Variants in EPM2A observed in about 807,000 individuals in gnomAD.
The protein encoded by EPM2A is EPM2A glucan phosphatase, laforin.
EPM2A carries 21 observed loss-of-function variants against 26.5 expected under a neutral mutation model. The ratio of observed to expected loss-of-function variants is 0.79; its 90% CI spans 0.56 to 1.14. EPM2A has a LOEUF of 1.14. Ranked by LOEUF, EPM2A falls within the 50% of genes most tolerant of loss-of-function variation. The pLI, the probability that EPM2A is intolerant of heterozygous loss-of-function variation, is 0.00. For missense variants in EPM2A, 458 were observed against 440.8 expected, an observed-to-expected ratio of 1.04 and a Z score of -0.35; for synonymous variants, 217 against 177.6, an observed-to-expected ratio of 1.22 and a Z score of -1.76.
intron 2 of EPM2A, among the ~76,000 whole-genome samples, chr6:145,519,276 CCTT>C (rs1425829186): frequency 6.6e-6 from 1 of 152,072 alleles, no homozygotes; most frequent in African/African-American, 2.4e-5. Context: ...AAGGGAGAAA[CCTT>C]CTCTATTTGA....
chr6:145,508,219 A>G (rs1297774502), intron 2 of EPM2A, among the ~76,000 whole-genome samples: 1 of 152,200 alleles, frequency 6.6e-6, no homozygotes, highest in African/African-American at 2.4e-5. Context: ...GTGTGGACTG[A>G]CAGAGGCCAC....
chr6:145,731,205 G>A (rs532200024), intron 1 of EPM2A, among the ~76,000 whole-genome samples: 6 of 152,282 alleles, frequency 3.9e-5, no homozygotes, highest in Non-Finnish European at 8.8e-5. Flanking sequence ...CACCCTGAGC[G>A]GAATTTTATC....
At chr6:145,418,696 G>T (rs765607979) in intron 4 of EPM2A, among the ~76,000 whole-genome samples, 1 of 152,082 alleles carries the variant, frequency 6.6e-6, no homozygotes, top group Non-Finnish European at 1.5e-5. Context: ...ATTCCACTCC[G>T]GCCAAAGGAT....
At chr6:145,603,092 G>C (rs1781436734) in intron 2 of EPM2A, among the ~76,000 whole-genome samples, 1 of 152,134 alleles carries the variant, frequency 6.6e-6, no homozygotes, top group Admixed American at 6.5e-5. Flanking sequence ...CTTCATGCTG[G>C]CATCTCTGCC....
intron 2 of EPM2A, among the ~76,000 whole-genome samples, chr6:145,656,396 A>G (rs533600355): frequency 1.3e-5 from 2 of 152,250 alleles, no homozygotes; most frequent in African/African-American, 2.4e-5. Context: ...CATCCCCACC[A>G]CCAACTCCTG....
At chr6:145,476,658 T>C (rs1461816652) in intron 4 of EPM2A, among the ~76,000 whole-genome samples, 1 of 151,984 alleles carries the variant, frequency 6.6e-6, no homozygotes, top group African/African-American at 2.4e-5. Context: ...TTTAGGGAAC[T>C]ATACAAATAC....
At chr6:145,645,585 A>C (rs571846148) in intron 2 of EPM2A, among the ~76,000 whole-genome samples, 1 of 151,930 alleles carries the variant, frequency 6.6e-6, no homozygotes, top group East Asian at 1.9e-4. Context: ...GATTACAGGG[A>C]TAAGCCACCA....
chr6:145,685,863 A>T (rs926561316), intron 2 of EPM2A, among the ~76,000 whole-genome samples: 1 of 152,154 alleles, frequency 6.6e-6, no homozygotes, highest in Non-Finnish European at 1.5e-5. Flanking sequence ...AAGTACACAG[A>T]TTGGTTAGCT....
At chr6:145,600,614 T>C (rs1781404855) in intron 2 of EPM2A, among the ~76,000 whole-genome samples, 1 of 152,190 alleles carries the variant, frequency 6.6e-6, no homozygotes, top group Non-Finnish European at 1.5e-5. Flanking sequence ...CTTCGTCTGT[T>C]TGTGACACTA....
intron 2 of EPM2A, among the ~76,000 whole-genome samples, chr6:145,514,953 G>A (rs1780105323): frequency 6.6e-6 from 1 of 152,158 alleles, no homozygotes; most frequent in Admixed American, 6.5e-5. Flanking sequence ...CTCCAATCAA[G>A]ATATTTAGAA....
intron 4 of EPM2A, chr6:145,490,841 T>C (rs1434586219): frequency 1.6e-6 from 1 of 643,080 alleles, no homozygotes. Context: ...ATCTTCTTCT[T>C]TAATCTGCCC....
At position 145,625,969 on chromosome 6, in the gene EPM2A, TTA is replaced by T; in HGVS notation, c.*1445_*1446del. ...CAGCTTTGTATCTCACTTCATCTAT[TTA>T]TTCATCATGTGACAATAGACAGTTG... On this transcript the variant is annotated 3_prime_UTR_variant, in exon 4 of 4. Transcript: ENST00000367519. 8.2e-7 allele frequency: 1 copy of T among 1,214,572 alleles called. No homozygotes were observed. The highest frequency in any genetic ancestry group is 1.1e-6 in the Non-Finnish European group (1 of 911,390). 75.2% of individuals were successfully genotyped at this position (1,214,572 alleles called of 1,614,324 possible).
intron 4 of EPM2A, among the ~76,000 whole-genome samples, chr6:145,421,436 A>G (rs1383615118): frequency 6.6e-6 from 1 of 152,110 alleles, no homozygotes; most frequent in Non-Finnish European, 1.5e-5. Flanking sequence ...GTAAAGGAAC[A>G]TTATGTTTAT....
chr6:145,519,322 T>C (rs1044258358), intron 2 of EPM2A, among the ~76,000 whole-genome samples: 1 of 152,090 alleles, frequency 6.6e-6, no homozygotes, highest in Non-Finnish European at 1.5e-5. Flanking sequence ...AGAAAGTGAA[T>C]GGTAGAGAAA....
At chr6:145,692,725 A>C (rs977910641) in intron 1 of EPM2A, among the ~76,000 whole-genome samples, 10 of 151,952 alleles carry the variant, frequency 6.6e-5, no homozygotes, top group African/African-American at 2.2e-4. Flanking sequence ...AGATGGTTTT[A>C]GGTGTCTGGC....
rs566103313 is a variant in EPM2A, at chr6:145,670,829, G to A, written c.476+15293C>T. On this transcript the variant is annotated intron_variant, in intron 2 of 3. Coordinates refer to ENST00000367519, the MANE Select transcript of EPM2A (RefSeq NM_005670.4). ...TATCTAGCAATTAATTTGACCGTAT[G>A]AACAGCATTATTCAGATAGAAAAAA... is the stretch of plus-strand genomic sequence containing the variant. 6.3e-6 allele frequency: 5 copies of A among 788,582 alleles called. No homozygotes were observed. In the Admixed American group the frequency reaches 3.1e-4, roughly 49 times the overall value. 48.8% of individuals were successfully genotyped at this position (788,582 alleles called of 1,614,324 possible).
chr6:145,655,186 G>GA lies in EPM2A; in HGVS notation c.477-19701dup, dbSNP rs5880651. ...ATTTCAAACAGTGTGATTTTGCTGT[G>GA]AAAAAAAAAAAAAAACAGGATTGGC... On this transcript the variant is annotated intron_variant, in intron 2 of 3. Transcript: ENST00000367519. 6.5e-3 allele frequency among the ~76,000 whole-genome samples: 909 copies of GA among 140,696 alleles called. 5 individuals carry two copies. The highest frequency in any genetic ancestry group is 0.012 in the African/African-American group (456 of 38,532). The allele number at this position is 140,696 out of a possible 152,430, so 92.3% of individuals were successfully genotyped here.
chr6:145,461,558 T>A (rs1373738570), intron 4 of EPM2A, among the ~76,000 whole-genome samples: 1 of 152,110 alleles, frequency 6.6e-6, no homozygotes, highest in Non-Finnish European at 1.5e-5. Flanking sequence ...GAAAACCCAA[T>A]ACCATATGTT....
intron 4 of EPM2A, among the ~76,000 whole-genome samples, chr6:145,470,206 T>A (rs1324037480): frequency 1.3e-5 from 2 of 152,172 alleles, no homozygotes; most frequent in African/African-American, 4.8e-5. Context: ...AAATAGTATA[T>A]GTTTGAGGTG....
Sources: gnomAD v4.1 joint callset for allele counts (sites outside exome capture counted in the v4.1 genomes callset) on GRCh38, gnomAD v4.1.1 for gene constraint, MANE v1.5 for transcripts, NCBI Gene and HGNC (gene_info 2026-07-23, HGNC 2026-07-21) for gene names.